The following ZNF831 variants were observed in gnomAD, a reference collection of about 807,000 sequenced individuals.
ZNF831 encodes zinc finger protein 831, also known as chromosome 20 open reading frame 174.
Under a neutral mutation model 95.8 loss-of-function variants are expected in ZNF831, and 59 were observed. The observed-to-expected ratio is 0.62, with a 90% confidence interval of 0.50 to 0.77. The LOEUF (loss-of-function observed/expected upper bound fraction) is 0.77. ZNF831 is among the 30% of genes least tolerant of loss of function. The pLI is 0.00. For synonymous variants in ZNF831, 961 were observed against 925.5 expected (o/e 1.04, Z -0.70); for missense variants, 2,205 against 2,164.0 (o/e 1.02, Z -0.38).
upstream of ZNF831, among the ~76,000 whole-genome samples, chr20:59,163,118 A>G (rs1458567488): frequency 6.6e-6 from 1 of 151,816 alleles, no homozygotes; most frequent in Non-Finnish European, 1.5e-5. Context: ...GTGTATAGAA[A>G]TGCTACTGAT....
At chr20:59,160,309 C>T (rs1980778491), upstream of ZNF831, 1 of 152,292 alleles carries the variant, frequency 6.6e-6, no homozygotes, top group Non-Finnish European at 1.5e-5. Context: ...CTCTTGGGGC[C>T]ATGAGTTCAA....
At chr20:59,236,832 C>T (rs1465354955) in intron 4 of ZNF831, among the ~76,000 whole-genome samples, 4 of 152,100 alleles carry the variant, frequency 2.6e-5, no homozygotes, top group Non-Finnish European at 5.9e-5. Context: ...TGCTCTTTTT[C>T]TCCCCCATCC....
intron 4 of ZNF831, among the ~76,000 whole-genome samples, chr20:59,241,204 G>C (rs1259763889): frequency 6.6e-6 from 1 of 152,012 alleles, no homozygotes; most frequent in East Asian, 1.9e-4. Flanking sequence ...CAAGTTACAT[G>C]CGACCTTGAG....
intron 1 of ZNF831, among the ~76,000 whole-genome samples, chr20:59,126,674 C>T (rs1979180593): frequency 6.6e-6 from 1 of 152,238 alleles, no homozygotes; most frequent in Non-Finnish European, 1.5e-5. Flanking sequence ...CATATGCATG[C>T]ATGGCCTGAG....
At chr20:59,227,475 G>T (rs572234533) in intron 4 of ZNF831, among the ~76,000 whole-genome samples, 43 of 152,306 alleles carry the variant, frequency 2.8e-4, no homozygotes, top group African/African-American at 1.0e-3. Flanking sequence ...CATTTGGCTG[G>T]ATATGGAGAA....
intron 1 of ZNF831, among the ~76,000 whole-genome samples, chr20:59,188,560 G>A (rs1401252798): frequency 1.3e-5 from 2 of 152,130 alleles, no homozygotes; most frequent in African/African-American, 4.8e-5. Context: ...AGGCGGCTGA[G>A]GCATGAGAAT....
Position 59,194,451 on chromosome 20 carries a change from C to T in ZNF831, c.3432C>T (p.Pro1144=). 1 of 1,613,082 alleles carries T rather than the reference C, an allele frequency of 6.2e-7. No individual in the cohort carries two copies. Among genetic ancestry groups the T allele is most frequent in the Non-Finnish European group, 8.5e-7 (1 of 1,179,772 alleles). Residue 1144 remains proline (P), a synonymous_variant, in exon 2 of 6, where the codon CCC becomes CCT. Transcript: ENST00000371030. ...CCCTCACTCGGCCTCAGGGTGTGCC[C>T]CCAGGCTGGCCAGAGCTGGCCTTGT... ...LTALTRPQGV[P]PGWPELALSS...
intron 1 of ZNF831, among the ~76,000 whole-genome samples, chr20:59,174,442 A>T (rs555771382): frequency 6.6e-6 from 1 of 152,320 alleles, no homozygotes; most frequent in African/African-American, 2.4e-5. Flanking sequence ...GAAGAGTAGA[A>T]ATCTCACCTC....
At position 59,210,588 on chromosome 20, in the gene ZNF831, C is replaced by A. The variant is rs186808414; in HGVS notation, c.4027+3532C>A. ...CCTCATCTGCAGCTTATCCTGCATGCTCATGGTGACCCTGGGGGCCTCAGT... is the reference window on the plus strand; with the variant it reads ...CCTCATCTGCAGCTTATCCTGCATGATCATGGTGACCCTGGGGGCCTCAGT... On this transcript the variant is annotated intron_variant, in intron 4 of 5. Coordinates refer to ENST00000371030, the MANE Select transcript of ZNF831 (RefSeq NM_178457.3). Among the ~76,000 whole-genome samples the A allele has an allele frequency of 3.2e-4, 49 of 152,320 alleles. 1 individual carries two copies. The highest frequency in any genetic ancestry group is 1.2e-3 in the African/African-American group (48 of 41,568).
At chr20:59,238,100 A>G (rs894390361) in intron 4 of ZNF831, among the ~76,000 whole-genome samples, 14 of 152,150 alleles carry the variant, frequency 9.2e-5, no homozygotes, top group African/African-American at 3.4e-4. Flanking sequence ...CCTAAGGCAA[A>G]GCGGTAGAGA....
rs150687312 is a variant in ZNF831, at chr20:59,135,861, A to G, written c.-1424-10370A>G. On this transcript the variant is annotated intron_variant, in intron 1 of 7. Transcript: ENST00000637017. ...CCACAGTTACTTTTGCACCAACCCA[A>G]TACTTGGGAGGCTGAGGTGGGAGGA... is the stretch of plus-strand genomic sequence containing the variant. Among the ~76,000 whole-genome samples the G allele has an allele frequency of 3.7e-3, 568 of 152,262 alleles. 6 individuals carry two copies. The Middle Eastern group carries it at 0.061, about 16-fold the overall frequency.
intron 4 of ZNF831, among the ~76,000 whole-genome samples, chr20:59,221,253 T>C (rs537941707): frequency 2.6e-5 from 4 of 152,304 alleles, no homozygotes; most frequent in South Asian, 2.1e-4. Flanking sequence ...AGGGAGCTCG[T>C]AGGGATTCGG....
rs1488170052 is a variant in ZNF831 at position 59,169,040 on chromosome 20, T to C, written c.-37+4833T>C. On this transcript the variant is annotated intron_variant, in intron 1 of 5. Transcript: ENST00000371030. This position sits in a 1 kb window ranked among gnomAD's most constrained non-coding sequence, Gnocchi z 4.1. ...TTCATGCTGTCTTTGTCTAGTTTGG[T>C]CGCAGGGTAATACCTAGGTGCTTAA... Among the ~76,000 whole-genome samples, 1 of 152,222 alleles carries C rather than the reference T, an allele frequency of 6.6e-6. No individual in the cohort carries two copies. The highest frequency in any genetic ancestry group is 1.5e-5 in the Non-Finnish European group (1 of 68,038).
chr20:59,235,764 A>T (rs1459015106), intron 4 of ZNF831, among the ~76,000 whole-genome samples: 1 of 152,064 alleles, frequency 6.6e-6, no homozygotes, highest in Non-Finnish European at 1.5e-5. Flanking sequence ...CTATTTCGTC[A>T]ACTTCCATCC....
chr20:59,166,572 C>T (rs993470796), intron 1 of ZNF831, among the ~76,000 whole-genome samples: 1 of 151,944 alleles, frequency 6.6e-6, no homozygotes, highest in South Asian at 2.1e-4. Flanking sequence ...CTGCTCTCCT[C>T]CTCTCTCTCT....
chr20:59,246,312 A>C (rs1201498888), intron 4 of ZNF831, among the ~76,000 whole-genome samples: 2 of 152,184 alleles, frequency 1.3e-5, no homozygotes, highest in East Asian at 3.8e-4. Context: ...AGTGCTCTGA[A>C]ATTGCTGAAA....
rs2146763287 is a variant in ZNF831 at position 59,254,056 on chromosome 20, G to T, written c.4347G>T (p.Gln1449His). ...TTGACCTTGGGTTGCTGGAGACTCA[G>T]CTGCTGGCCTCCCAGGATTCAGTCT... ...KGLDLGLLET[Q>H]LLASQDSVST... is the part of the protein sequence containing the mutation. Residue 1449 changes from glutamine (Q) to histidine (H), a missense_variant, in exon 6 of 6, where the codon CAG becomes CAT. Coordinates refer to ENST00000371030, the MANE Select transcript of ZNF831 (RefSeq NM_178457.3). This position sits in a 1 kb window ranked among gnomAD's most constrained non-coding sequence, Gnocchi z 4.5. 1.2e-6 allele frequency: 2 copies of T among 1,614,108 alleles called. No homozygotes were observed. Among genetic ancestry groups the T allele is most frequent in the South Asian group, 2.2e-5 (2 of 91,078 alleles).
At chr20:59,223,516 C>G (rs1055612599) in intron 4 of ZNF831, among the ~76,000 whole-genome samples, 1 of 152,182 alleles carries the variant, frequency 6.6e-6, no homozygotes, top group African/African-American at 2.4e-5. Context: ...GGTGCTCCAG[C>G]GGCTACGGGA....
chr20:59,148,922 C>G (rs1414908014), intron 2 of ZNF831, among the ~76,000 whole-genome samples: 1 of 152,118 alleles, frequency 6.6e-6, no homozygotes, highest in Admixed American at 6.6e-5. Context: ...TTCCCCAGAG[C>G]ATCTTGTGCC....
Sources: gnomAD v4.1 joint callset for allele counts (sites outside exome capture counted in the v4.1 genomes callset) on GRCh38, gnomAD v4.1.1 for gene constraint, Gnocchi (gnomAD v3.1) non-coding constraint, MANE v1.5 for transcripts, NCBI Gene and HGNC (gene_info 2026-07-23, HGNC 2026-07-21) for gene names.